The following SLC22A16 variants were observed in gnomAD, a reference collection of about 807,000 sequenced individuals.
SLC22A16 encodes solute carrier family 22 member 16.
Under a neutral mutation model 52.9 loss-of-function variants are expected in SLC22A16, and 53 were observed. The ratio of observed to expected loss-of-function variants is 1.00; its 90% CI spans 0.80 to 1.26. The LOEUF (loss-of-function observed/expected upper bound fraction) is 1.26. Ranked by LOEUF, SLC22A16 falls within the 50% of genes most tolerant of loss-of-function variation. SLC22A16 has a pLI of 0.00. For missense variants in SLC22A16, 726 were observed against 704.0 expected (o/e 1.03, Z -0.35); for synonymous variants, 291 against 268.8 (o/e 1.08, Z -0.81).
At chr6:110,451,330 A>G (rs922028055) in intron 2 of SLC22A16, among the ~76,000 whole-genome samples, 9 of 152,320 alleles carry the variant, frequency 5.9e-5, no homozygotes, top group South Asian at 2.1e-4. Flanking sequence ...TATGCCCCAG[A>G]GCATGTGGCT....
intron 1 of SLC22A16, among the ~76,000 whole-genome samples, chr6:110,461,853 G>T: frequency 6.6e-6 from 1 of 152,126 alleles, no homozygotes; most frequent in Non-Finnish European, 1.5e-5. Flanking sequence ...TTCAAATGTT[G>T]GCAAATTCAA....
At chr6:110,471,742 G>A (rs1185623025) in intron 1 of SLC22A16, among the ~76,000 whole-genome samples, 1 of 152,236 alleles carries the variant, frequency 6.6e-6, no homozygotes, top group East Asian at 1.9e-4. Context: ...GATGATTTGG[G>A]TGGGGGTAAC....
At chr6:110,434,508 C>T (rs941494797) in intron 6 of SLC22A16, among the ~76,000 whole-genome samples, 1 of 152,120 alleles carries the variant, frequency 6.6e-6, no homozygotes, top group African/African-American at 2.4e-5. Flanking sequence ...GACCTCCGTC[C>T]TCTTCACCAC....
At chr6:110,467,206 C>A (rs1464742351) in intron 1 of SLC22A16, among the ~76,000 whole-genome samples, 1 of 152,070 alleles carries the variant, frequency 6.6e-6, no homozygotes, top group African/African-American at 2.4e-5. Flanking sequence ...TCCCTCCAAC[C>A]TAAATGCCGA....
At chr6:110,472,479 T>C (rs1776293029) in intron 1 of SLC22A16, among the ~76,000 whole-genome samples, 1 of 152,048 alleles carries the variant, frequency 6.6e-6, no homozygotes, top group Non-Finnish European at 1.5e-5. Flanking sequence ...CTCCTGCCTC[T>C]CTCACTCTCA....
intron 1 of SLC22A16, among the ~76,000 whole-genome samples, chr6:110,467,087 GA>G (rs899810113): frequency 9.2e-5 from 14 of 152,142 alleles, no homozygotes; most frequent in African/African-American, 3.1e-4. Flanking sequence ...AGTATTGCTA[GA>G]AAAAAGTTTT....
intron 1 of SLC22A16, among the ~76,000 whole-genome samples, chr6:110,474,557 G>A (rs956651570): frequency 1.3e-5 from 2 of 152,204 alleles, no homozygotes; most frequent in African/African-American, 4.8e-5. Flanking sequence ...GGGAACTCAG[G>A]TAATGATAAT....
At chr6:110,441,935 G>T (rs1314149157) in intron 4 of SLC22A16, among the ~76,000 whole-genome samples, 1 of 152,154 alleles carries the variant, frequency 6.6e-6, no homozygotes, top group Non-Finnish European at 1.5e-5. Flanking sequence ...TTTAAGGATG[G>T]AATAAATGGC....
At chr6:110,444,102 G>A (rs1028218950) in intron 3 of SLC22A16, among the ~76,000 whole-genome samples, 1 of 152,190 alleles carries the variant, frequency 6.6e-6, no homozygotes, top group Non-Finnish European at 1.5e-5. Context: ...ACTTAAAAAT[G>A]GTTAGGATGG....
intron 2 of SLC22A16, among the ~76,000 whole-genome samples, chr6:110,447,364 C>T (rs994116983): frequency 1.3e-5 from 2 of 152,194 alleles, no homozygotes; most frequent in Non-Finnish European, 2.9e-5. Context: ...TATGACAGCT[C>T]TTGCCAAGCC....
At chr6:110,447,788 C>T in intron 2 of SLC22A16, among the ~76,000 whole-genome samples, 1 of 152,208 alleles carries the variant, frequency 6.6e-6, no homozygotes, top group East Asian at 1.9e-4. Flanking sequence ...GACTTCTTTT[C>T]CCTAGCATTA....
At chr6:110,433,854 A>G (rs556515383) in intron 6 of SLC22A16, among the ~76,000 whole-genome samples, 1 of 152,330 alleles carries the variant, frequency 6.6e-6, no homozygotes, top group East Asian at 1.9e-4. Context: ...TCACAGAGGG[A>G]GATCTGTGGG....
At chr6:110,443,106 A>G (rs1467226098) in intron 3 of SLC22A16, among the ~76,000 whole-genome samples, 1 of 152,218 alleles carries the variant, frequency 6.6e-6, no homozygotes, top group East Asian at 1.9e-4. Flanking sequence ...ACATCAAGTT[A>G]TCTGTATCCA....
In SLC22A16 at chr6:110,463,335, T is replaced by C. The variant is rs544925228; in HGVS notation, c.54-6318A>G. 2.0e-5 allele frequency among the ~76,000 whole-genome samples: 3 copies of C among 151,410 alleles called. No individual in the cohort carries two copies. In the East Asian group the frequency reaches 5.8e-4, roughly 29 times the overall value. ...ACTTAGAGGATATAGATGAGCAAAA[T>C]GGATTTTTTTTTAAAAAGACCCAAC... is the stretch of plus-strand genomic sequence containing the variant. On this transcript the variant is annotated intron_variant, in intron 1 of 7. Coordinates refer to ENST00000368919, the MANE Select transcript of SLC22A16 (RefSeq NM_033125.4).
rs568543081 is a variant in SLC22A16 at position 110,442,434 on chromosome 6, T to C, written c.993A>G (p.Gln331=). 3.1e-6 allele frequency: 5 copies of C among 1,614,242 alleles called. No individual in the cohort carries two copies. The East Asian group carries it at 6.7e-5, about 22-fold the overall frequency. The part of the protein sequence containing the change: ...KLSELLSLDL[Q]GPVSNSPTEV... ...CAGTGGGGCTATTACTAACAGGACC[T>C]TGTAGGTCCAGTGATAAAAGTTCTG... The change falls in exon 4 of 8, where the codon CAA becomes CAG. Residue 331 remains glutamine (Q), a synonymous_variant. Coordinates refer to ENST00000368919, the MANE Select transcript of SLC22A16 (RefSeq NM_033125.4).
chr6:110,442,014 G>T (rs1285361618), intron 4 of SLC22A16, among the ~76,000 whole-genome samples: 1 of 152,124 alleles, frequency 6.6e-6, no homozygotes, highest in Non-Finnish European at 1.5e-5. Flanking sequence ...TTAAATTTTT[G>T]TCTTTTAATG....
chr6:110,454,512 C>T (rs1015862969), intron 2 of SLC22A16, among the ~76,000 whole-genome samples: 1 of 135,220 alleles, frequency 7.4e-6, no homozygotes, highest in African/African-American at 2.8e-5. Context: ...TATGGAGTGA[C>T]CCTTCTTTAT....
rs747222128 is a variant in SLC22A16, at chr6:110,438,818, C to T, written c.1213G>A (p.Val405Met). Residue 405 changes from valine to methionine, a missense_variant, in exon 5 of 8, where the codon GTG becomes ATG. Val to Met is a conservative substitution (Grantham distance 21). Coordinates refer to ENST00000368919, the MANE Select transcript of SLC22A16 (RefSeq NM_033125.4). The stretch of plus-strand genomic sequence containing the variant: ...CCGACCTTGTCCATGGCGATGCACA[C>T]GAAGGTGTAGGCGGGAATTTCCACT... ...GVVEIPAYTF[V>M]CIAMDKVGRR... The T allele has an allele frequency of 3.6e-5, 58 of 1,614,002 alleles. No individual in the cohort carries two copies. In the East Asian group the frequency reaches 4.0e-4, roughly 11 times the overall value.
chr6:110,465,734 A>T (rs1776038014), intron 1 of SLC22A16, among the ~76,000 whole-genome samples: 1 of 152,202 alleles, frequency 6.6e-6, no homozygotes, highest in Non-Finnish European at 1.5e-5. Flanking sequence ...CTACAAATTC[A>T]ATGCAATTCC....
Sources: gnomAD v4.1 joint callset for allele counts (sites outside exome capture counted in the v4.1 genomes callset) on GRCh38, gnomAD v4.1.1 for gene constraint, MANE v1.5 for transcripts, NCBI Gene and HGNC (gene_info 2026-07-23, HGNC 2026-07-21) for gene names.